Variants in NAV1 observed in about 807,000 individuals in gnomAD.
NAV1 encodes pore membrane and/or filament interacting like protein 3.
NAV1 carries 18 observed loss-of-function variants against 175.2 expected under a neutral mutation model. That is an observed-to-expected ratio of 0.10 (90% CI 0.07 to 0.15). NAV1 has a LOEUF of 0.15. NAV1 is among the 10% of genes least tolerant of loss of function. The pLI is 1.00. For missense variants in NAV1, 1,731 were observed against 2,436.6 expected, an observed-to-expected ratio of 0.71 and a Z score of 6.10; for synonymous variants, 897 against 978.7, an observed-to-expected ratio of 0.92 and a Z score of 1.56.
At position 201,788,242 on chromosome 1, in the gene NAV1, G is replaced by C. The variant is rs1676890894; in HGVS notation, c.2996-226G>C. 6.6e-6 allele frequency among the ~76,000 whole-genome samples: 1 copy of C among 152,092 alleles called. No homozygotes were observed. The highest frequency in any genetic ancestry group is 2.4e-5 in the African/African-American group (1 of 41,402). On this transcript the variant is annotated intron_variant, in intron 9 of 29. Transcript: ENST00000367296. The surrounding 1 kb of genome is among the most constrained non-coding windows in gnomAD (Gnocchi z 5.7). Reference sequence around the variant, plus strand: ...GAAGGTCTTTATTCCAGACAGCAGGGTCCTTCTCCATTAGGGCTTGATCTC... The same window carrying C: ...GAAGGTCTTTATTCCAGACAGCAGGCTCCTTCTCCATTAGGGCTTGATCTC...
At chr1:201,737,534 G>C (rs924091361) in intron 3 of NAV1, 1 of 152,228 alleles carries the variant, frequency 6.6e-6, no homozygotes, top group Admixed American at 6.5e-5. Flanking sequence ...CCTGTGTGAG[G>C]TGAGACACAC....
chr1:201,672,927 C>T (rs1393627469), intron 1 of NAV1, among the ~76,000 whole-genome samples: 3 of 152,174 alleles, frequency 2.0e-5, no homozygotes, highest in East Asian at 1.9e-4. Flanking sequence ...CCAGTGGGGA[C>T]GACTGAAGCC....
chr1:201,703,346 G>A (rs1671525491), intron 1 of NAV1, among the ~76,000 whole-genome samples: 1 of 152,360 alleles, frequency 6.6e-6, no homozygotes, highest in South Asian at 2.1e-4. Context: ...GCCCAGCCCG[G>A]AAGTCCAAGT....
chr1:201,566,114 G>C (rs1253912339), intron 1 of NAV1, among the ~76,000 whole-genome samples: 1 of 152,014 alleles, frequency 6.6e-6, no homozygotes, highest in Admixed American at 6.6e-5. Flanking sequence ...CCCACACTCT[G>C]CCCCATCTCC....
rs1022546849 is a variant in NAV1, at chr1:201,572,529, C to T, written c.-143-16010C>T. On this transcript the variant is annotated intron_variant, in intron 1 of 33. Coordinates refer to the NAV1 transcript ENST00000685211. ...GACTACAGGCACGCACCACCATGCC[C>T]GGCTAATTTTTGTATTTTTAGGAGA... Among the ~76,000 whole-genome samples the T allele has an allele frequency of 5.3e-5, 8 of 151,826 alleles. No homozygotes were observed. The East Asian group carries it at 5.8e-4, about 11-fold the overall frequency.
Position 201,802,305 on chromosome 1 carries a change from C to CAAA in NAV1, c.3518-1267_3518-1265dup, listed in dbSNP as rs34854602. Among the ~76,000 whole-genome samples, 85 of 39,978 alleles carry CAAA rather than the reference C, an allele frequency of 2.1e-3. 1 individual carries two copies. The highest frequency in any genetic ancestry group is 6.3e-3 in the South Asian group (3 of 474). 26.2% of individuals were successfully genotyped at this position (39,978 alleles called of 152,430 possible). ...GCGCAAGAAGAGTGAAACACCTTCT[C>CAAA]AAAAAAAAAAAAAAAAAAAAAAAGA... On this transcript the variant is annotated intron_variant, in intron 15 of 29. Transcript: ENST00000367296.
chr1:201,677,368 T>C (rs1444652763), intron 1 of NAV1, among the ~76,000 whole-genome samples: 1 of 152,148 alleles, frequency 6.6e-6, no homozygotes, highest in African/African-American at 2.4e-5. Context: ...ACCACTATGT[T>C]GTGATCCCTG....
rs1452976282 is a variant in NAV1 at position 201,740,659 on chromosome 1, CGAGA to C, written c.1226+21910_1226+21913del. Among the ~76,000 whole-genome samples, 9 of 152,216 alleles carry C rather than the reference CGAGA, an allele frequency of 5.9e-5. No individual in the cohort carries two copies. The East Asian group carries it at 1.7e-3, about 29-fold the overall frequency. ...GACCGTACTGCTGGCTGGATACTTC[CGAGA>C]GAGAGTGAAGCCTGGTGCTCTACCC... On this transcript the variant is annotated intron_variant, in intron 3 of 29. Transcript: ENST00000367296. This position sits in a 1 kb window ranked among gnomAD's most constrained non-coding sequence, Gnocchi z 4.7.
At position 201,793,895 on chromosome 1, in the gene NAV1, G is replaced by A; in HGVS notation, c.3405+20G>A. On this transcript the variant is annotated intron_variant, in intron 14 of 29. Coordinates refer to ENST00000367296, the Ensembl canonical transcript of NAV1. ...GAGAAGGTGAGAGGCCTGGGAAAGG[G>A]TGGGAGGGGTGGGTGCGGCGAGGGG... 6.6e-7 allele frequency: 1 copy of A among 1,515,370 alleles called. No individual in the cohort carries two copies. 93.9% of individuals were successfully genotyped at this position (1,515,370 alleles called of 1,614,324 possible). A position where few individuals can be genotyped will look rare whatever the true frequency, so the allele number is the denominator to read the frequency against.
chr1:201,793,510 G>T, intron 13 of NAV1: 1 of 392,244 alleles, frequency 2.5e-6, no homozygotes, highest in East Asian at 5.5e-5. Flanking sequence ...CCTACCTCTG[G>T]TAGTTGATAG....
chr1:201,793,719 A>G, intron 13 of NAV1, 73 bp from the exon 18 acceptor site: 2 of 1,325,784 alleles, frequency 1.5e-6, no homozygotes, highest in East Asian at 2.3e-5. Flanking sequence ...AGTTAAAACT[A>G]TTTCCCATTG....
rs1674030555 is a variant in NAV1 at position 201,750,402 on chromosome 1, A to C, written c.1227-30019A>C. 6.6e-6 allele frequency among the ~76,000 whole-genome samples: 1 copy of C among 152,134 alleles called. No homozygotes were observed. The highest frequency in any genetic ancestry group is 2.4e-5 in the African/African-American group (1 of 41,442). On this transcript the variant is annotated intron_variant, in intron 3 of 29. Transcript: ENST00000367296. This position sits in a 1 kb window ranked among gnomAD's most constrained non-coding sequence, Gnocchi z 4.1. ...GGGTGGGGAGGGGAGGAAGAGGGGCAGGTGGACTTGGTGACTCTGCCTCCC... is the reference window on the plus strand; with the variant it reads ...GGGTGGGGAGGGGAGGAAGAGGGGCCGGTGGACTTGGTGACTCTGCCTCCC...
chr1:201,648,800 C>T, exon 1 of NAV1: 1 of 1,544,676 alleles, frequency 6.5e-7, no homozygotes, highest in Non-Finnish European at 8.7e-7. Context: ...GCATGCTGCC[C>T]AAGCGCGCCA....
At chr1:201,799,815 G>A (rs535251688) in intron 15 of NAV1, among the ~76,000 whole-genome samples, 7 of 149,850 alleles carry the variant, frequency 4.7e-5, no homozygotes, top group Non-Finnish European at 1.0e-4. Context: ...AGGCGAGATC[G>A]CGCCATTACA....
intron 1 of NAV1, among the ~76,000 whole-genome samples, chr1:201,576,671 G>A (rs912799957): frequency 2.6e-5 from 4 of 152,176 alleles, no homozygotes; most frequent in African/African-American, 4.8e-5. Flanking sequence ...GTTGGGTCAC[G>A]TGTTAGTTGC....
exon 1 of NAV1, chr1:201,623,364 G>C (rs1668233246): frequency 2.0e-6 from 2 of 985,896 alleles, no homozygotes; most frequent in Non-Finnish European, 2.4e-6. Flanking sequence ...AAATACCAGG[G>C]GCTCCGGAAG....
At chr1:201,777,493 T>G (rs897749237) in intron 3 of NAV1, among the ~76,000 whole-genome samples, 1 of 152,088 alleles carries the variant, frequency 6.6e-6, no homozygotes, top group African/African-American at 2.4e-5. Flanking sequence ...AGGTCTTGCT[T>G]TGTTGCCCAG....
chr1:201,709,476 G>T (rs892133116), intron 1 of NAV1, among the ~76,000 whole-genome samples: 1 of 152,184 alleles, frequency 6.6e-6, no homozygotes, highest in Non-Finnish European at 1.5e-5. Flanking sequence ...CTGGAGCTCT[G>T]GAGGCCTTTC....
chr1:201,608,549 C>G (rs913295945), intron 2 of NAV1, among the ~76,000 whole-genome samples: 1 of 152,200 alleles, frequency 6.6e-6, no homozygotes, highest in Admixed American at 6.5e-5. Flanking sequence ...CAGTTGCTCT[C>G]CTGGGTCTGC....
Sources: allele counts gnomAD v4.1 joint callset (sites outside exome capture counted in the v4.1 genomes callset), GRCh38; gene constraint gnomAD v4.1.1; non-coding constraint Gnocchi (gnomAD v3.1); transcripts MANE v1.5; gene names NCBI Gene and HGNC (gene_info 2026-07-23, HGNC 2026-07-21).